The following SDAD1 variants were observed in gnomAD, a reference collection of about 807,000 sequenced individuals.
SDAD1 encodes SDA1 domain containing 1.
SDAD1 carries 79 observed loss-of-function variants against 100.3 expected under a neutral mutation model. That is an observed-to-expected ratio of 0.79 (90% CI 0.66 to 0.95). The LOEUF (loss-of-function observed/expected upper bound fraction) is 0.95, where lower values mean the gene tolerates loss of function less well. SDAD1 is among the 40% of genes least tolerant of loss of function. SDAD1 has a pLI of 0.00. For synonymous variants in SDAD1, 267 were observed against 271.4 expected (o/e 0.98, Z 0.16); for missense variants, 790 against 810.9 (o/e 0.97, Z 0.31).
chr4:75,955,847 C>T, intron 21 of SDAD1, 128 bp downstream of exon 21: 1 of 1,107,882 alleles, frequency 9.0e-7, no homozygotes, highest in Non-Finnish European at 1.3e-6. Context: ...CAACAATGCT[C>T]TCCAACAATG....
intron 1 of SDAD1, among the ~76,000 whole-genome samples, chr4:75,988,464 T>G (rs1394453377): frequency 6.6e-6 from 1 of 152,166 alleles, no homozygotes; most frequent in African/African-American, 2.4e-5. Context: ...AAGATTACTA[T>G]CTCAAGAAGA....
chr4:75,968,545 A>G (rs1247724872), intron 11 of SDAD1, among the ~76,000 whole-genome samples: 2 of 152,160 alleles, frequency 1.3e-5, no homozygotes, highest in Admixed American at 6.5e-5. Context: ...TAAAGTTCCC[A>G]TATATATACC....
intron 15 of SDAD1, 52 bp from the exon 16 acceptor site, chr4:75,961,156 G>T: frequency 6.2e-7 from 1 of 1,600,482 alleles, no homozygotes; most frequent in Admixed American, 1.7e-5. Context: ...GTACAATGAG[G>T]TAAAAAGGAG....
intron 14 of SDAD1, among the ~76,000 whole-genome samples, chr4:75,963,529 T>G (rs1729370283): frequency 6.6e-6 from 1 of 152,216 alleles, no homozygotes; most frequent in South Asian, 2.1e-4. Flanking sequence ...GAGCATGGAA[T>G]GTTCTTCCAT....
At chr4:75,975,210 TAATG>T (rs914295126) in intron 6 of SDAD1, among the ~76,000 whole-genome samples, 57 of 152,324 alleles carry the variant, frequency 3.7e-4, no homozygotes, top group African/African-American at 1.3e-3. Context: ...TTTTCTGCTG[TAATG>T]AATATTACTT....
chr4:75,958,487 C>T (rs1047868056), intron 17 of SDAD1, among the ~76,000 whole-genome samples: 20 of 152,156 alleles, frequency 1.3e-4, no homozygotes, highest in South Asian at 2.1e-4. Flanking sequence ...AGGTATCAGG[C>T]TTCTTAATGG....
rs371503784 is a variant in SDAD1 at position 75,961,059 on chromosome 4, A to G, written c.1325T>C (p.Leu442Pro). The stretch of plus-strand genomic sequence containing the variant: ...TTTCTTCTGCAGCATCTGAGGATTC[A>G]GTGTTCGGAAGAGGTGAATCAAAGT... ...ARTLIHLFRTLNPQMLQKKFR... is the reference protein window; with the variant it reads ...ARTLIHLFRTPNPQMLQKKFR... Residue 442 changes from leucine (L) to proline (P), a missense_variant, in exon 16 of 22, where the codon CTG becomes CCG. Transcript: ENST00000356260. 1 of 1,613,848 alleles carries G rather than the reference A, an allele frequency of 6.2e-7. No homozygotes were observed. The highest frequency in any genetic ancestry group is 1.3e-5 in the African/African-American group (1 of 74,942).
chr4:75,952,628 G>A (rs190953556), intron 21 of SDAD1, among the ~76,000 whole-genome samples: 4 of 152,208 alleles, frequency 2.6e-5, no homozygotes, highest in South Asian at 2.1e-4. Context: ...AGGGTAGGGG[G>A]GTGTGTGAAG....
At chr4:75,961,341 C>A in intron 14 of SDAD1, 33 bp from the exon 15 acceptor site, 2 of 1,489,040 alleles carry the variant, frequency 1.3e-6, no homozygotes, top group South Asian at 2.3e-5. Context: ...TAAAAGAGCC[C>A]GAATAGCAAT....
In SDAD1 at chr4:75,977,630, T is replaced by C. The variant is rs1437322871; in HGVS notation, c.405+16A>G. On this transcript the variant is annotated intron_variant, in intron 4 of 21. Transcript: ENST00000356260. ...CCTCAAGGAAGATGCAGGGAAATATTTGTTTTGCCCTTTACCTTTCGCAGA... is the reference window on the plus strand; with the variant it reads ...CCTCAAGGAAGATGCAGGGAAATATCTGTTTTGCCCTTTACCTTTCGCAGA... 1.4e-6 allele frequency: 2 copies of C among 1,481,256 alleles called. No homozygotes were observed. Among genetic ancestry groups the C allele is most frequent in the African/African-American group, 2.8e-5 (2 of 72,020 alleles). The allele number at this position is 1,481,256 out of a possible 1,614,324, so 91.8% of individuals were successfully genotyped here. A position where few individuals can be genotyped will look rare whatever the true frequency, so the allele number is the denominator to read the frequency against.
chr4:75,972,757 C>G (rs1204644218), intron 8 of SDAD1, among the ~76,000 whole-genome samples: 1 of 149,074 alleles, frequency 6.7e-6, no homozygotes, highest in Non-Finnish European at 1.5e-5. Context: ...TACGGTGGCT[C>G]ACGTCTGTTA....
chr4:75,959,975 T>C, intron 17 of SDAD1, 91 bp downstream of exon 17: 1 of 1,332,832 alleles, frequency 7.5e-7, no homozygotes, highest in Non-Finnish European at 1.0e-6. Flanking sequence ...AAATATCTGC[T>C]GAATGAATGT....
chr4:75,957,261 TCTGG>T, intron 20 of SDAD1, 60 bp downstream of exon 20: 1 of 1,391,200 alleles, frequency 7.2e-7, no homozygotes, highest in East Asian at 2.3e-5. Context: ...CTATACAAGT[TCTGG>T]CTTATGTTTC....
chr4:75,961,774 A>G (rs777517662), intron 14 of SDAD1, among the ~76,000 whole-genome samples: 4 of 152,030 alleles, frequency 2.6e-5, no homozygotes, highest in Non-Finnish European at 5.9e-5. Flanking sequence ...TTGCCCTAGG[A>G]AAAAAGAGTG....
In SDAD1 at chr4:75,990,828, T is replaced by A. The variant is rs1456353846; in HGVS notation, c.14A>T (p.Asn5Ile). The change falls in exon 1 of 22, where the codon AAC becomes ATC. Residue 5 changes from asparagine (N) to isoleucine (I), a missense_variant. By Grantham distance (149) the Asn-to-Ile change is moderately radical (BLOSUM62 -3). Coordinates refer to ENST00000356260, the MANE Select transcript of SDAD1 (RefSeq NM_018115.4). MSNR[N>I]NNKLPSNLPQ... ...CAGGTTGCTGGGAAGCTTGTTGTTG[T>A]TTCTGTTGGACATTTTGGCTGCAGA... The A allele has an allele frequency of 2.5e-6, 4 of 1,614,140 alleles. No homozygotes were observed. Among genetic ancestry groups the A allele is most frequent in the Non-Finnish European group, 2.5e-6 (3 of 1,180,010 alleles).
chr4:75,967,237 T>C (rs754695370), intron 12 of SDAD1, 40 bp downstream of exon 12: 4 of 1,592,814 alleles, frequency 2.5e-6, no homozygotes, highest in Non-Finnish European at 8.6e-7. Flanking sequence ...TTTATTCTAT[T>C]ACCAAGGCCA....
chr4:75,957,063 T>C (rs888039782), intron 20 of SDAD1, among the ~76,000 whole-genome samples: 13 of 152,290 alleles, frequency 8.5e-5, no homozygotes, highest in African/African-American at 2.4e-4. Context: ...TGAGCTGAGA[T>C]TGTGCCACTG....
chr4:75,966,482 T>C (rs778447574), intron 12 of SDAD1, among the ~76,000 whole-genome samples: 1 of 152,164 alleles, frequency 6.6e-6, no homozygotes, highest in Non-Finnish European at 1.5e-5. Context: ...AAATGACGTA[T>C]GTAAGGCACT....
Position 75,961,056 on chromosome 4 carries a change from T to C in SDAD1, c.1328A>G (p.Asn443Ser). The change falls in exon 16 of 22, where the codon AAT becomes AGT. Residue 443 changes from asparagine (N) to serine (S), a missense_variant. Coordinates refer to ENST00000356260, the MANE Select transcript of SDAD1 (RefSeq NM_018115.4). ...RTLIHLFRTLNPQMLQKKFRG... is the reference protein window; with the variant it reads ...RTLIHLFRTLSPQMLQKKFRG... ...GAATTTCTTCTGCAGCATCTGAGGATTCAGTGTTCGGAAGAGGTGAATCAA... is the reference window on the plus strand; with the variant it reads ...GAATTTCTTCTGCAGCATCTGAGGACTCAGTGTTCGGAAGAGGTGAATCAA... The C allele has an allele frequency of 1.2e-6, 2 of 1,613,910 alleles. No individual in the cohort carries two copies. The highest frequency in any genetic ancestry group is 1.7e-6 in the Non-Finnish European group (2 of 1,179,898).
Sources: gnomAD v4.1 joint callset for allele counts (sites outside exome capture counted in the v4.1 genomes callset) on GRCh38, gnomAD v4.1.1 for gene constraint, MANE v1.5 for transcripts, NCBI Gene and HGNC (gene_info 2026-07-23, HGNC 2026-07-21) for gene names.